Variants in TENM4 observed in about 807,000 individuals in gnomAD.
The protein encoded by TENM4 is teneurin transmembrane protein 4, also known as teneurin-4.
Under a neutral mutation model 243.3 loss-of-function variants are expected in TENM4, and 82 were observed. The observed-to-expected ratio is 0.34, with a 90% confidence interval of 0.28 to 0.40. The LOEUF is 0.40. Among genes scored for constraint, TENM4 ranks in the 10% least tolerant of loss-of-function variants. The pLI is 1.00. For synonymous variants in TENM4, 1,412 were observed against 1,456.3 expected (o/e 0.97, Z 0.69); for missense variants, 3,138 against 3,673.3 (o/e 0.85, Z 3.77).
At chr11:78,889,119 CTG>C (rs1412612408) in intron 9 of TENM4, among the ~76,000 whole-genome samples, 1 of 152,226 alleles carries the variant, frequency 6.6e-6, no homozygotes, top group African/African-American at 2.4e-5. Context: ...CTCCTTATAT[CTG>C]TGTTTGCACC....
At chr11:78,683,765 A>C (rs994164883) in intron 29 of TENM4, among the ~76,000 whole-genome samples, 5 of 151,964 alleles carry the variant, frequency 3.3e-5, no homozygotes, top group African/African-American at 1.2e-4. Flanking sequence ...GGAGCTGTAG[A>C]CCGGAGCTGT....
At chr11:79,188,251 T>A (rs1411244118) in intron 3 of TENM4, among the ~76,000 whole-genome samples, 1 of 152,218 alleles carries the variant, frequency 6.6e-6, no homozygotes, top group East Asian at 1.9e-4. Flanking sequence ...AACCGAAGAC[T>A]AGGAATTGAG....
chr11:78,767,814 A>G (rs1856568574), intron 18 of TENM4, among the ~76,000 whole-genome samples: 1 of 152,222 alleles, frequency 6.6e-6, no homozygotes, highest in South Asian at 2.1e-4. Context: ...AAAGGCACTT[A>G]TTTAATTCTG....
At chr11:78,965,717 C>T (rs1857426286) in intron 6 of TENM4, among the ~76,000 whole-genome samples, 1 of 152,240 alleles carries the variant, frequency 6.6e-6, no homozygotes, top group Admixed American at 6.5e-5. Flanking sequence ...TCCCTGGTCT[C>T]TCCTCTGGCC....
intron 1 of TENM4, among the ~76,000 whole-genome samples, chr11:79,420,025 T>A (rs1279210613): frequency 6.6e-6 from 1 of 152,188 alleles, no homozygotes; most frequent in Non-Finnish European, 1.5e-5. Context: ...GTTCCCTTAA[T>A]GGAATAAGAC....
chr11:78,815,415 C>G (rs1857586369), intron 12 of TENM4, among the ~76,000 whole-genome samples: 1 of 152,084 alleles, frequency 6.6e-6, no homozygotes, highest in African/African-American at 2.4e-5. Flanking sequence ...TTTCCTATTC[C>G]TTCTGCACTA....
chr11:79,268,518 CCTT>C (rs928740927), intron 2 of TENM4, among the ~76,000 whole-genome samples: 1 of 152,086 alleles, frequency 6.6e-6, no homozygotes, highest in African/African-American at 2.4e-5. Context: ...TAGAGTCAGT[CCTT>C]ATTATTCATG....
intron 6 of TENM4, among the ~76,000 whole-genome samples, chr11:78,985,572 C>T (rs181253942): frequency 6.6e-6 from 1 of 152,156 alleles, no homozygotes; most frequent in African/African-American, 2.4e-5. Context: ...AATATTTACT[C>T]ATTCAAGAAT....
intron 3 of TENM4, among the ~76,000 whole-genome samples, chr11:79,192,326 G>T (rs1863530539): frequency 6.6e-6 from 1 of 152,370 alleles, no homozygotes; most frequent in African/African-American, 2.4e-5. Context: ...GAATACAAAA[G>T]GGGGCAAGGC....
intron 3 of TENM4, among the ~76,000 whole-genome samples, chr11:79,160,899 C>CT (rs1862731816): frequency 2.0e-5 from 3 of 152,150 alleles, no homozygotes; most frequent in Admixed American, 1.3e-4. Context: ...GCATGACTGT[C>CT]TAAGTTTGGG....
chr11:78,779,274 T>A (rs1456422075), intron 16 of TENM4, among the ~76,000 whole-genome samples: 1 of 152,224 alleles, frequency 6.6e-6, no homozygotes, highest in African/African-American at 2.4e-5. Context: ...GTAAGATGCA[T>A]TCCTCCTTTG....
At position 78,723,682 on chromosome 11, in the gene TENM4, T is replaced by C. The variant is rs200105899; in HGVS notation, c.3551-765A>G. ...ATCCTGTTTCTTTTTAGTCTGGATCTTCCTTTTTCCTCATGCACACTTCAC... is the reference window on the plus strand; with the variant it reads ...ATCCTGTTTCTTTTTAGTCTGGATCCTCCTTTTTCCTCATGCACACTTCAC... On this transcript the variant is annotated intron_variant, in intron 23 of 33. Coordinates refer to ENST00000278550, the MANE Select transcript of TENM4 (RefSeq NM_001098816.3). Among the ~76,000 whole-genome samples the C allele has an allele frequency of 2.2e-4, 34 of 152,326 alleles. No individual in the cohort carries two copies. The East Asian group carries it at 6.4e-3, about 29-fold the overall frequency.
At chr11:79,088,273 G>A (rs1047573167) in intron 4 of TENM4, among the ~76,000 whole-genome samples, 2 of 152,136 alleles carry the variant, frequency 1.3e-5, no homozygotes, top group Non-Finnish European at 1.5e-5. Flanking sequence ...GGCCGGCAAT[G>A]GTCCAGATTG....
chr11:79,236,472 T>A (rs565273786), intron 2 of TENM4, among the ~76,000 whole-genome samples: 1 of 152,314 alleles, frequency 6.6e-6, no homozygotes, highest in East Asian at 1.9e-4. Flanking sequence ...ATTTCATGCT[T>A]TTGAAGTTTC....
chr11:79,257,352 A>G (rs939973652), intron 2 of TENM4, among the ~76,000 whole-genome samples: 14 of 152,224 alleles, frequency 9.2e-5, no homozygotes, highest in Admixed American at 9.2e-4. Flanking sequence ...GAACTCCTAT[A>G]GACTCAGCAT....
At chr11:79,281,134 G>T (rs1856150291) in intron 2 of TENM4, among the ~76,000 whole-genome samples, 1 of 152,150 alleles carries the variant, frequency 6.6e-6, no homozygotes. Context: ...AGCCTTCCGG[G>T]AGCTTCCTTG....
chr11:79,425,229 C>G (rs772482232), intron 1 of TENM4, among the ~76,000 whole-genome samples: 1 of 152,128 alleles, frequency 6.6e-6, no homozygotes, highest in Non-Finnish European at 1.5e-5. Flanking sequence ...AGGGACCCAG[C>G]CTTTCTGTAG....
chr11:79,072,064 G>C (rs6592819), intron 4 of TENM4, among the ~76,000 whole-genome samples: 139,942 of 152,254 alleles, frequency 0.92, 64,611 homozygotes, highest in Middle Eastern at 0.98. Context: ...GATGCTCAGT[G>C]TTCCCAATAG....
intron 4 of TENM4, among the ~76,000 whole-genome samples, chr11:79,100,085 T>G (rs182132964): frequency 1.3e-5 from 2 of 152,276 alleles, no homozygotes; most frequent in East Asian, 3.9e-4. Context: ...GACAACCACT[T>G]ATATCCCTCC....
Sources: gnomAD v4.1 joint callset for allele counts (sites outside exome capture counted in the v4.1 genomes callset) on GRCh38, gnomAD v4.1.1 for gene constraint, MANE v1.5 for transcripts, NCBI Gene and HGNC (gene_info 2026-07-23, HGNC 2026-07-21) for gene names.